The following ELP4 variants were observed in gnomAD, a reference collection of about 807,000 sequenced individuals.
The protein encoded by ELP4 is elongator acetyltransferase complex subunit 4.
In ELP4, 51 loss-of-function variants were observed where a neutral mutation model predicts 48.9. That is an observed-to-expected ratio of 1.04 (90% confidence interval 0.83 to 1.32). ELP4 has a LOEUF of 1.32. ELP4 is among the 40% of genes most tolerant of loss of function. The pLI, the probability that ELP4 is intolerant of heterozygous loss-of-function variation, is 0.00. For missense variants in ELP4, 519 were observed against 514.6 expected, an observed-to-expected ratio of 1.01 and a Z score of -0.08; for synonymous variants, 210 against 189.2, an observed-to-expected ratio of 1.11 and a Z score of -0.90.
intron 3 of ELP4, among the ~76,000 whole-genome samples, chr11:31,542,731 C>T (rs1163020699): frequency 6.6e-6 from 1 of 151,976 alleles, no homozygotes; most frequent in Admixed American, 6.5e-5. Flanking sequence ...GTCCAGCACC[C>T]AACAGAATAA....
intron 9 of ELP4, among the ~76,000 whole-genome samples, chr11:31,756,140 T>C (rs561773405): frequency 6.6e-6 from 1 of 152,316 alleles, no homozygotes; most frequent in East Asian, 1.9e-4. Context: ...TCATCTTCAC[T>C]TGCCTGGATT....
intron 5 of ELP4, among the ~76,000 whole-genome samples, chr11:31,617,343 A>T (rs1356099765): frequency 1.3e-5 from 2 of 152,262 alleles, no homozygotes; most frequent in Admixed American, 6.6e-5. Context: ...GATAAATATG[A>T]TTCTACTCAT....
At chr11:31,638,868 C>A (rs1322885226) in intron 7 of ELP4, among the ~76,000 whole-genome samples, 1 of 151,814 alleles carries the variant, frequency 6.6e-6, no homozygotes, top group Non-Finnish European at 1.5e-5. Flanking sequence ...GTGAATTTCT[C>A]TCAGTGTGAA....
At chr11:31,734,820 A>G (rs142859080) in intron 9 of ELP4, among the ~76,000 whole-genome samples, 1 of 152,210 alleles carries the variant, frequency 6.6e-6, no homozygotes, top group African/African-American at 2.4e-5. Context: ...TGCAATCCCT[A>G]TGGGAAGCCC....
At chr11:31,694,888 T>G (rs1402727755) in intron 9 of ELP4, among the ~76,000 whole-genome samples, 1 of 152,172 alleles carries the variant, frequency 6.6e-6, no homozygotes, top group Non-Finnish European at 1.5e-5. Context: ...CCCTTGTAAG[T>G]TGGATTCCTA....
At chr11:31,576,507 C>T (rs771496932) in intron 3 of ELP4, among the ~76,000 whole-genome samples, 1 of 152,186 alleles carries the variant, frequency 6.6e-6, no homozygotes, top group Non-Finnish European at 1.5e-5. Flanking sequence ...AGCACGACAT[C>T]ACACTTATTC....
At chr11:31,777,915 AC>A (rs1166941447) in intron 9 of ELP4, among the ~76,000 whole-genome samples, 5 of 152,276 alleles carry the variant, frequency 3.3e-5, no homozygotes, top group Non-Finnish European at 5.9e-5. Flanking sequence ...TTCATTCCCT[AC>A]CACTTGGAGC....
chr11:31,568,188 G>A (rs1957143735), intron 3 of ELP4, among the ~76,000 whole-genome samples: 1 of 152,138 alleles, frequency 6.6e-6, no homozygotes, highest in Non-Finnish European at 1.5e-5. Context: ...AATCAAGAAT[G>A]CAGTGTCATT....
intron 3 of ELP4, among the ~76,000 whole-genome samples, chr11:31,550,971 G>T (rs548489044): frequency 2.6e-5 from 4 of 152,062 alleles, no homozygotes; most frequent in Non-Finnish European, 5.9e-5. Flanking sequence ...TTTTCTTCCG[G>T]ATCATACTGG....
At chr11:31,582,307 C>T (rs1957404601) in intron 3 of ELP4, among the ~76,000 whole-genome samples, 1 of 152,178 alleles carries the variant, frequency 6.6e-6, no homozygotes. Flanking sequence ...TTAAAACATA[C>T]TAACTATATT....
At chr11:31,765,789 G>A (rs1948028941) in intron 9 of ELP4, among the ~76,000 whole-genome samples, 1 of 151,952 alleles carries the variant, frequency 6.6e-6, no homozygotes, top group Non-Finnish European at 1.5e-5. Context: ...TCATAAATTA[G>A]TGTTACTTAA....
At chr11:31,623,616 T>A (rs1944673684) in intron 5 of ELP4, among the ~76,000 whole-genome samples, 2 of 150,550 alleles carry the variant, frequency 1.3e-5, no homozygotes, top group African/African-American at 2.4e-5. Flanking sequence ...ATTTTATTAC[T>A]TATAAAATTT....
intron 9 of ELP4, among the ~76,000 whole-genome samples, chr11:31,684,789 A>G (rs1474359890): frequency 6.6e-6 from 1 of 152,166 alleles, no homozygotes. Context: ...CGTAAACAAA[A>G]ATCAATTCCA....
intron 3 of ELP4, among the ~76,000 whole-genome samples, chr11:31,567,124 G>C (rs1227187422): frequency 6.6e-6 from 1 of 151,638 alleles, no homozygotes; most frequent in Admixed American, 6.6e-5. Context: ...GTAGAGATGG[G>C]GTTTCTCCAT....
intron 4 of ELP4, chr11:31,600,396 C>T (rs1026035197): frequency 1.1e-4 from 17 of 152,090 alleles, no homozygotes; most frequent in African/African-American, 4.1e-4. Flanking sequence ...TCCAGCAATT[C>T]ATGGCAGTGT....
At chr11:31,575,610 A>G (rs1204923310) in intron 3 of ELP4, among the ~76,000 whole-genome samples, 2 of 152,206 alleles carry the variant, frequency 1.3e-5, no homozygotes, top group Non-Finnish European at 2.9e-5. Context: ...CATTCTACAA[A>G]CCAGAAGAGA....
chr11:31,764,325 T>G (rs1436481674), intron 9 of ELP4, among the ~76,000 whole-genome samples: 2 of 152,212 alleles, frequency 1.3e-5, no homozygotes, highest in East Asian at 3.8e-4. Context: ...ACCAGTATAA[T>G]CTAATGATTT....
At chr11:31,538,613 A>G (rs1191199718) in intron 2 of ELP4, among the ~76,000 whole-genome samples, 1 of 151,258 alleles carries the variant, frequency 6.6e-6, no homozygotes, top group African/African-American at 2.4e-5. Context: ...TGTAGATCCC[A>G]TGTGTCAAGT....
At chr11:31,632,520 T>C (rs1944883997) in intron 7 of ELP4, 115 bp downstream of exon 7, 1 of 773,216 alleles carries the variant, frequency 1.3e-6, no homozygotes, top group Non-Finnish European at 1.9e-6. Context: ...TCAGGTGCTT[T>C]CTGGCCATTT....
Sources: gnomAD v4.1 joint callset for allele counts (sites outside exome capture counted in the v4.1 genomes callset) on GRCh38, gnomAD v4.1.1 for gene constraint, MANE v1.5 for transcripts, NCBI Gene and HGNC (gene_info 2026-07-23, HGNC 2026-07-21) for gene names.